Variants in KCNQ3 observed in about 807,000 individuals in gnomAD.
The protein encoded by KCNQ3 is potassium voltage-gated channel subfamily KQT member 3.
Under a neutral mutation model 92.5 loss-of-function variants are expected in KCNQ3, and 30 were observed. The ratio of observed to expected loss-of-function variants is 0.32; its 90% CI spans 0.24 to 0.44. The LOEUF (loss-of-function observed/expected upper bound fraction) is 0.44, where lower values mean the gene tolerates loss of function less well. KCNQ3 is among the 20% of genes least tolerant of loss of function. The pLI, the probability that KCNQ3 is intolerant of heterozygous loss-of-function variation, is 1.00. For synonymous variants in KCNQ3, 450 were observed against 468.8 expected (o/e 0.96, Z 0.52); for missense variants, 913 against 1,140.3 (o/e 0.80, Z 2.87).
intron 9 of KCNQ3, among the ~76,000 whole-genome samples, chr8:132,145,097 G>A (rs1008791791): frequency 3.3e-5 from 5 of 152,190 alleles, no homozygotes; most frequent in Admixed American, 6.5e-5. Context: ...ATCTAGTGGG[G>A]AGAAGCCAGG....
At chr8:132,197,335 C>G (rs1478999736) in intron 1 of KCNQ3, among the ~76,000 whole-genome samples, 1 of 152,226 alleles carries the variant, frequency 6.6e-6, no homozygotes, top group African/African-American at 2.4e-5. Flanking sequence ...ATGTCCTCCT[C>G]CACACTAACA....
At chr8:132,447,345 C>T in intron 1 of KCNQ3, 1 of 1,041,146 alleles carries the variant, frequency 9.6e-7, no homozygotes, top group Non-Finnish European at 1.4e-6. Flanking sequence ...GAGAAAACCA[C>T]AGGCAGACAG....
intron 1 of KCNQ3, among the ~76,000 whole-genome samples, chr8:132,261,306 A>G (rs1228226707): frequency 1.3e-5 from 2 of 152,130 alleles, no homozygotes; most frequent in South Asian, 2.1e-4. Flanking sequence ...AGCTGCCTTC[A>G]TATGTGCCTG....
At chr8:132,418,039 AGAG>A (rs1406353003) in intron 1 of KCNQ3, among the ~76,000 whole-genome samples, 1 of 152,026 alleles carries the variant, frequency 6.6e-6, no homozygotes, top group African/African-American at 2.4e-5. Flanking sequence ...CTCATCTTCC[AGAG>A]GAGATTTCCT....
At chr8:132,322,445 GAGA>G (rs1286006030) in intron 1 of KCNQ3, among the ~76,000 whole-genome samples, 1 of 152,164 alleles carries the variant, frequency 6.6e-6, no homozygotes, top group Non-Finnish European at 1.5e-5. Flanking sequence ...CAGTGACATG[GAGA>G]AGCCCATCTC....
intron 1 of KCNQ3, among the ~76,000 whole-genome samples, chr8:132,352,354 G>A (rs541247309): frequency 1.3e-5 from 2 of 152,264 alleles, no homozygotes; most frequent in East Asian, 1.9e-4. Flanking sequence ...TGCTGCGATC[G>A]TCTAGTGTGC....
At chr8:132,259,629 C>A (rs1815706722) in intron 1 of KCNQ3, among the ~76,000 whole-genome samples, 1 of 152,104 alleles carries the variant, frequency 6.6e-6, no homozygotes, top group African/African-American at 2.4e-5. Context: ...TTCTATTCGA[C>A]TTTGGACTAG....
chr8:132,402,284 C>A (rs1472625565), intron 1 of KCNQ3, among the ~76,000 whole-genome samples: 2 of 152,158 alleles, frequency 1.3e-5, no homozygotes, highest in African/African-American at 4.8e-5. Flanking sequence ...CTGGCCCCCA[C>A]TGCCCAGCCC....
chr8:132,204,132 T>C (rs1396829501), intron 1 of KCNQ3, among the ~76,000 whole-genome samples: 1 of 152,238 alleles, frequency 6.6e-6, no homozygotes, highest in East Asian at 1.9e-4. Flanking sequence ...ATGTGCATCT[T>C]AGAACTGATG....
At chr8:132,140,325 C>G (rs1825246783) in intron 10 of KCNQ3, 147 bp from the exon 11 acceptor site, 1 of 618,070 alleles carries the variant, frequency 1.6e-6, no homozygotes, top group Admixed American at 2.7e-5. Flanking sequence ...ACGGTATTCT[C>G]AAGCTGTGAT....
intron 1 of KCNQ3, among the ~76,000 whole-genome samples, chr8:132,237,653 G>C (rs1488385034): frequency 6.6e-6 from 1 of 152,202 alleles, no homozygotes; most frequent in Non-Finnish European, 1.5e-5. Flanking sequence ...TATTGCAGCA[G>C]TGTAAACAGA....
intron 1 of KCNQ3, among the ~76,000 whole-genome samples, chr8:132,394,212 A>G (rs1820130958): frequency 6.6e-6 from 1 of 152,222 alleles, no homozygotes; most frequent in Non-Finnish European, 1.5e-5. Context: ...CCATGCAAGT[A>G]AATGACAGGT....
chr8:132,303,695 C>CCA (rs1208352352), intron 1 of KCNQ3, among the ~76,000 whole-genome samples: 2 of 125,830 alleles, frequency 1.6e-5, no homozygotes, highest in African/African-American at 3.0e-5. Context: ...CACAGCCACA[C>CCA]CACACACACA....
chr8:132,310,348 C>T (rs779634526), intron 1 of KCNQ3, among the ~76,000 whole-genome samples: 15 of 152,220 alleles, frequency 9.9e-5, no homozygotes, highest in African/African-American at 7.2e-5. Context: ...TTTTCCATTG[C>T]AGGTTTCTCT....
intron 9 of KCNQ3, among the ~76,000 whole-genome samples, chr8:132,152,284 T>C (rs1825662201): frequency 6.6e-6 from 1 of 152,146 alleles, no homozygotes; most frequent in Non-Finnish European, 1.5e-5. Flanking sequence ...AGCAATCTTT[T>C]TGACTTTTGC....
chr8:132,274,441 G>T (rs909830969), intron 1 of KCNQ3, among the ~76,000 whole-genome samples: 32 of 152,184 alleles, frequency 2.1e-4, no homozygotes, highest in Non-Finnish European at 4.4e-4. Flanking sequence ...TACAATTCAA[G>T]ATGAGATTTG....
At chr8:132,409,984 T>G (rs933642646) in intron 1 of KCNQ3, among the ~76,000 whole-genome samples, 4 of 152,192 alleles carry the variant, frequency 2.6e-5, no homozygotes, top group Admixed American at 2.6e-4. Context: ...ATAGATTTAG[T>G]CTGGCATGGT....
At position 132,184,283 on chromosome 8, in the gene KCNQ3, G is replaced by T. The variant is rs754551218; in HGVS notation, c.562C>A (p.Arg188=). 6.2e-7 allele frequency: 1 copy of T among 1,614,132 alleles called. No individual in the cohort carries two copies. Among genetic ancestry groups the T allele is most frequent in the Non-Finnish European group, 8.5e-7 (1 of 1,180,026 alleles). ...TTCCTGGCAAACTTCAGTCGGCCCC[G>T]CCAGCCTTTGTATCGGCAGCAACAT... ...AGCCCRYKGW[R]GRLKFARKPL... The change falls in exon 3 of 15, where the codon CGG becomes AGG. Residue 188 remains arginine (R), a synonymous_variant. Coordinates refer to ENST00000388996, the MANE Select transcript of KCNQ3 (RefSeq NM_004519.4).
intron 1 of KCNQ3, among the ~76,000 whole-genome samples, chr8:132,303,060 T>C (rs1306040013): frequency 6.6e-6 from 1 of 152,114 alleles, no homozygotes; most frequent in African/African-American, 2.4e-5. Flanking sequence ...GAGCTATTGA[T>C]CATGCAAGAA....
Sources: gnomAD v4.1 joint callset for allele counts (sites outside exome capture counted in the v4.1 genomes callset) on GRCh38, gnomAD v4.1.1 for gene constraint, MANE v1.5 for transcripts, NCBI Gene and HGNC (gene_info 2026-07-23, HGNC 2026-07-21) for gene names.